The following SLC22A3 variants were observed in gnomAD, a reference collection of about 807,000 sequenced individuals.
The protein encoded by SLC22A3 is solute carrier family 22 member 3.
A neutral mutation model predicts 59.1 loss-of-function variants in SLC22A3; 51 were observed. The observed-to-expected ratio is 0.86, with a 90% CI of 0.69 to 1.09. The LOEUF is 1.09. Among genes scored for constraint, SLC22A3 ranks in the 50% least tolerant of loss-of-function variants. The pLI, the probability that SLC22A3 is intolerant of heterozygous loss-of-function variation, is 0.00. For missense variants in SLC22A3, 711 were observed against 726.3 expected (o/e 0.98, Z 0.24); for synonymous variants, 325 against 292.0 (o/e 1.11, Z -1.15).
chr6:160,376,402 G>T (rs1322661357), intron 1 of SLC22A3, among the ~76,000 whole-genome samples: 1 of 152,166 alleles, frequency 6.6e-6, no homozygotes, highest in African/African-American at 2.4e-5. Context: ...CCAGGACAAA[G>T]AGCTAATGCT....
intron 5 of SLC22A3, among the ~76,000 whole-genome samples, chr6:160,411,808 T>C (rs1162759191): frequency 2.6e-5 from 4 of 152,182 alleles, no homozygotes; most frequent in Admixed American, 2.0e-4. Flanking sequence ...GAATATTTGA[T>C]ATGCACTTGA....
At chr6:160,408,652 C>T in intron 3 of SLC22A3, 101 bp from the exon 4 acceptor site, 2 of 1,140,334 alleles carry the variant, frequency 1.8e-6, no homozygotes, top group Non-Finnish European at 2.6e-6. Context: ...CGTGTTCTAG[C>T]AATGCTGATG....
At position 160,437,143 on chromosome 6, in the gene SLC22A3, G is replaced by T; in HGVS notation, c.1220G>T (p.Arg407Leu). ...CTAACCATTGAGCGCCTTGGACGAC[G>T]CCTCCCCTTTGCGGCAAGCAATATA... ...ILLTIERLGR[R>L]LPFAASNIVA... is the part of the protein sequence containing the mutation. The change falls in exon 7 of 11, where the codon CGC (arginine) becomes CTC (leucine). Residue 407 changes from arginine to leucine, a missense_variant. Transcript: ENST00000275300. 1 of 1,614,142 alleles carries T rather than the reference G, an allele frequency of 6.2e-7. No individual in the cohort carries two copies. The highest frequency in any genetic ancestry group is 8.5e-7 in the Non-Finnish European group (1 of 1,179,998).
rs8187721 is a variant in SLC22A3 at position 160,442,886 on chromosome 6, T to G, written c.1397+17T>G. 6.6e-5 allele frequency: 103 copies of G among 1,570,054 alleles called. No homozygotes were observed. In the African/African-American group the frequency reaches 1.2e-3, roughly 18 times the overall value. ...AACATTACGGTAATTCTAACAAACG[T>G]TATAGTTTCTCCTAAGTAACTCTGT... On this transcript the variant is annotated intron_variant, in intron 8 of 10. Transcript: ENST00000275300.
intron 1 of SLC22A3, among the ~76,000 whole-genome samples, chr6:160,350,648 G>A (rs1379493685): frequency 6.6e-6 from 1 of 152,228 alleles, no homozygotes; most frequent in East Asian, 1.9e-4. Context: ...GCCTCAACAA[G>A]TGCTCAAGCG....
intron 1 of SLC22A3, among the ~76,000 whole-genome samples, chr6:160,386,236 C>T (rs1021414613): frequency 6.6e-6 from 1 of 152,226 alleles, no homozygotes; most frequent in Non-Finnish European, 1.5e-5. Context: ...ATATATCTCA[C>T]TCTCTGTTTT....
intron 1 of SLC22A3, chr6:160,349,081 T>C: frequency 8.1e-6 from 8 of 985,428 alleles, no homozygotes; most frequent in South Asian, 4.7e-5. Context: ...ACAGATACTT[T>C]GGTTTCGGGT....
Position 160,447,772 on chromosome 6 carries a change from G to C in SLC22A3, c.1564G>C (p.Gly522Arg). The C allele has an allele frequency of 6.2e-7, 1 of 1,614,046 alleles. No individual in the cohort carries two copies. The highest frequency in any genetic ancestry group is 8.5e-7 in the Non-Finnish European group (1 of 1,179,970). The change falls in exon 10 of 11, where the codon GGT becomes CGT. Residue 522 changes from glycine (G) to arginine (R), a missense_variant. Transcript: ENST00000275300. ...GLVMLLPETK[G>R]IALPETVDDV... ...TGTGATGCTTTTGCCTGAAACCAAGGGTATTGCCTTGCCAGAGACAGTGGA... is the reference window on the plus strand; with the variant it reads ...TGTGATGCTTTTGCCTGAAACCAAGCGTATTGCCTTGCCAGAGACAGTGGA...
intron 1 of SLC22A3, among the ~76,000 whole-genome samples, chr6:160,387,871 T>C (rs1039650672): frequency 6.6e-6 from 1 of 152,192 alleles, no homozygotes; most frequent in Non-Finnish European, 1.5e-5. Flanking sequence ...ATTACCTGGA[T>C]TATAATCTGG....
intron 1 of SLC22A3, among the ~76,000 whole-genome samples, chr6:160,397,435 C>T (rs936869975): frequency 6.6e-5 from 10 of 151,876 alleles, no homozygotes; most frequent in Non-Finnish European, 8.8e-5. Context: ...CTATTCAATA[C>T]GCTTAAAAGA....
chr6:160,408,976 C>G, intron 4 of SLC22A3, 55 bp downstream of exon 4: 1 of 1,454,822 alleles, frequency 6.9e-7, no homozygotes, highest in South Asian at 1.2e-5. Context: ...AAATTAGACT[C>G]CAAACAGACA....
chr6:160,385,373 C>T (rs997903968), intron 1 of SLC22A3, among the ~76,000 whole-genome samples: 8 of 152,320 alleles, frequency 5.3e-5, no homozygotes, highest in Admixed American at 5.2e-4. Flanking sequence ...TCTTTCACTT[C>T]CCAGTTACTG....
At chr6:160,422,523 G>A (rs373595844) in intron 5 of SLC22A3, among the ~76,000 whole-genome samples, 4 of 152,276 alleles carry the variant, frequency 2.6e-5, no homozygotes, top group South Asian at 2.1e-4. Context: ...AACAGCGTGC[G>A]GCCCATGCAA....
intron 10 of SLC22A3, 83 bp from the exon 11 acceptor site, chr6:160,450,913 C>A (rs1047299268): frequency 1.5e-5 from 19 of 1,271,390 alleles, no homozygotes; most frequent in Non-Finnish European, 2.0e-5. Context: ...TCAAAACCAG[C>A]TATACTATTA....
At chr6:160,408,971 A>C (rs757453787) in intron 4 of SLC22A3, 50 bp downstream of exon 4, 32 of 1,510,040 alleles carry the variant, frequency 2.1e-5, no homozygotes, top group Non-Finnish European at 2.8e-5. Flanking sequence ...TGCAGAAATT[A>C]GACTCCAAAC....
chr6:160,390,224 C>A (rs945016129), intron 1 of SLC22A3, among the ~76,000 whole-genome samples: 2 of 151,968 alleles, frequency 1.3e-5, no homozygotes, highest in Non-Finnish European at 2.9e-5. Context: ...GGGGCAAAAG[C>A]TTATATATTA....
At chr6:160,424,014 G>A (rs1055115216) in intron 5 of SLC22A3, among the ~76,000 whole-genome samples, 9 of 152,110 alleles carry the variant, frequency 5.9e-5, no homozygotes, top group African/African-American at 1.9e-4. Context: ...TGTAAGGAAG[G>A]GATCCAGTTT....
rs370568936 is a variant in SLC22A3 at position 160,442,159 on chromosome 6, G to A, written c.1289-602G>A. 9.2e-5 allele frequency among the ~76,000 whole-genome samples: 14 copies of A among 152,196 alleles called. No individual in the cohort carries two copies. In the South Asian group the frequency reaches 2.1e-3, roughly 22 times the overall value. Reference sequence around the variant, plus strand: ...GGCTCCTTCTGGATGGTTTATTGAAGGAAGTAGTACAATGGGGGATGAAGA... The same window carrying A: ...GGCTCCTTCTGGATGGTTTATTGAAAGAAGTAGTACAATGGGGGATGAAGA... On this transcript the variant is annotated intron_variant, in intron 7 of 10. Coordinates refer to ENST00000275300, the MANE Select transcript of SLC22A3 (RefSeq NM_021977.4).
At chr6:160,402,832 A>G (rs558211995) in intron 2 of SLC22A3, among the ~76,000 whole-genome samples, 14 of 151,978 alleles carry the variant, frequency 9.2e-5, no homozygotes, top group African/African-American at 2.6e-4. Context: ...GAGTAATTAA[A>G]AAGTATAGTA....
Sources: gnomAD v4.1 joint callset for allele counts (sites outside exome capture counted in the v4.1 genomes callset) on GRCh38, gnomAD v4.1.1 for gene constraint, MANE v1.5 for transcripts, NCBI Gene and HGNC (gene_info 2026-07-23, HGNC 2026-07-21) for gene names.